Variants in NDRG3 observed in about 807,000 individuals in gnomAD.
NDRG3 encodes protein NDRG3.
Under a neutral mutation model 57.2 loss-of-function variants are expected in NDRG3, and 23 were observed. That is an observed-to-expected ratio of 0.40 (90% CI 0.29 to 0.57). NDRG3 has a LOEUF of 0.57. Ranked by LOEUF, NDRG3 falls within the 20% of genes least tolerant of loss-of-function variation. The pLI, the probability that NDRG3 is intolerant of heterozygous loss-of-function variation, is 0.42. For missense variants in NDRG3, 384 were observed against 457.3 expected (o/e 0.84, Z 1.46); for synonymous variants, 132 against 162.6 (o/e 0.81, Z 1.43).
chr20:36,726,511 T>C (rs1203431224), intron 1 of NDRG3, among the ~76,000 whole-genome samples: 1 of 152,180 alleles, frequency 6.6e-6, no homozygotes, highest in African/African-American at 2.4e-5. Context: ...TTTTATAACA[T>C]ATACAAGAAA....
chr20:36,723,048 C>G (rs1000124106), intron 1 of NDRG3, among the ~76,000 whole-genome samples: 7 of 152,136 alleles, frequency 4.6e-5, no homozygotes, highest in Non-Finnish European at 7.4e-5. Context: ...GCAAATGAAT[C>G]CTCCAGCCCC....
At chr20:36,679,802 C>T (rs1338614505) in intron 8 of NDRG3, among the ~76,000 whole-genome samples, 1 of 151,090 alleles carries the variant, frequency 6.6e-6, no homozygotes, top group Non-Finnish European at 1.5e-5. Flanking sequence ...CCGCGCCTGG[C>T]CAAATTGTAA....
At chr20:36,735,450 T>C (rs989285530) in intron 1 of NDRG3, among the ~76,000 whole-genome samples, 4 of 152,234 alleles carry the variant, frequency 2.6e-5, no homozygotes, top group Non-Finnish European at 5.9e-5. Flanking sequence ...TGTATTTCCA[T>C]GTGTCCCACT....
intron 3 of NDRG3, among the ~76,000 whole-genome samples, chr20:36,703,546 C>T (rs1983376218): frequency 6.6e-6 from 1 of 151,940 alleles, no homozygotes; most frequent in African/African-American, 2.4e-5. Flanking sequence ...TGGGCTCAAG[C>T]AATCCGCTTG....
intron 3 of NDRG3, among the ~76,000 whole-genome samples, chr20:36,706,632 T>C (rs1983564181): frequency 6.6e-6 from 1 of 152,116 alleles, no homozygotes; most frequent in Admixed American, 6.6e-5. Flanking sequence ...GCCTCCTGAG[T>C]AGCTGGCATT....
chr20:36,694,669 G>GT (rs1444905725), intron 3 of NDRG3, among the ~76,000 whole-genome samples: 1 of 152,064 alleles, frequency 6.6e-6, no homozygotes, highest in Non-Finnish European at 1.5e-5. Flanking sequence ...TAAATCCTGT[G>GT]AAGTCATATA....
At chr20:36,720,072 A>T (rs1600951482) in intron 2 of NDRG3, among the ~76,000 whole-genome samples, 1 of 150,104 alleles carries the variant, frequency 6.7e-6, no homozygotes, top group Non-Finnish European at 1.5e-5. Flanking sequence ...GTACCACTGC[A>T]CTCCAGCCTG....
intron 1 of NDRG3, among the ~76,000 whole-genome samples, chr20:36,723,630 T>C (rs1482661785): frequency 6.7e-6 from 1 of 149,778 alleles, no homozygotes; most frequent in Non-Finnish European, 1.5e-5. Context: ...TTGGTGGAAA[T>C]CAAGAAAGCC....
chr20:36,656,567 T>C (rs1049488484), intron 13 of NDRG3, 35 bp from the exon 14 acceptor site: 2 of 1,613,288 alleles, frequency 1.2e-6, no homozygotes, highest in African/African-American at 2.7e-5. Flanking sequence ...CAGCTGGGAC[T>C]TACCCTTAAG....
chr20:36,684,448 C>T lies in NDRG3; in HGVS notation c.348G>A (p.Leu116=). 6.2e-7 allele frequency: 1 copy of T among 1,614,126 alleles called. No individual in the cohort carries two copies. The highest frequency in any genetic ancestry group is 2.2e-5 in the East Asian group (1 of 44,882). ...TGYQYPTMDE[L]AEMLPPVLTH... is the part of the protein sequence containing the mutation. ...TAAGAACAGGAGGCAGCATTTCAGC[C>T]AGCTCATCCATTGTGGGGTACTGAT... The change falls in exon 6 of 16, where the codon CTG becomes CTA. Residue 116 remains leucine, a synonymous_variant. Coordinates refer to ENST00000349004, the MANE Select transcript of NDRG3 (RefSeq NM_032013.4).
At chr20:36,658,885 ACAG>A (rs1056203121) in intron 13 of NDRG3, among the ~76,000 whole-genome samples, 2 of 152,012 alleles carry the variant, frequency 1.3e-5, no homozygotes, top group African/African-American at 4.8e-5. Context: ...CCTTACCAAT[ACAG>A]CAGGATTTTG....
chr20:36,736,736 T>A (rs182698651), intron 1 of NDRG3, among the ~76,000 whole-genome samples: 3 of 152,206 alleles, frequency 2.0e-5, no homozygotes, highest in African/African-American at 7.2e-5. Context: ...CCCAGCTCCA[T>A]GGAAGACTTT....
In NDRG3 at chr20:36,728,732, G is replaced by C. The variant is rs181206625; in HGVS notation, c.-48-6949C>G. On this transcript the variant is annotated intron_variant, in intron 1 of 15. Coordinates refer to ENST00000349004, the MANE Select transcript of NDRG3 (RefSeq NM_032013.4). Reference sequence around the variant, plus strand: ...CATTTTGGTTTTTTTGTTTTTTTGGGGGGGAGGTTTTGAGACAGAGTCTCA... The same window carrying C: ...CATTTTGGTTTTTTTGTTTTTTTGGCGGGGAGGTTTTGAGACAGAGTCTCA... 4.0e-5 allele frequency among the ~76,000 whole-genome samples: 6 copies of C among 151,552 alleles called. No individual in the cohort carries two copies. The East Asian group carries it at 5.9e-4, about 15-fold the overall frequency.
At chr20:36,668,752 T>A (rs1979851933) in intron 9 of NDRG3, 1 of 151,456 alleles carries the variant, frequency 6.6e-6, no homozygotes, top group African/African-American at 2.4e-5. Context: ...AACATATATT[T>A]TTTATATATA....
chr20:36,735,762 G>T (rs1333665233), intron 1 of NDRG3, among the ~76,000 whole-genome samples: 7 of 152,096 alleles, frequency 4.6e-5, no homozygotes. Context: ...GCTGAGGTGG[G>T]AGGATCACTT....
At chr20:36,681,655 A>T (rs1045421262) in intron 7 of NDRG3, among the ~76,000 whole-genome samples, 3 of 150,660 alleles carry the variant, frequency 2.0e-5, no homozygotes, top group Non-Finnish European at 3.0e-5. Flanking sequence ...AAAAAAAAAA[A>T]TTTATAATAG....
chr20:36,721,181 T>C (rs775142639), intron 2 of NDRG3, among the ~76,000 whole-genome samples: 2 of 151,792 alleles, frequency 1.3e-5, no homozygotes, highest in Non-Finnish European at 2.9e-5. Context: ...ACGTGGCTCA[T>C]GGAAACAAAA....
intron 2 of NDRG3, among the ~76,000 whole-genome samples, chr20:36,712,583 A>T (rs950183047): frequency 0.025 from 277 of 10,886 alleles, 3 homozygotes; most frequent in African/African-American, 0.056. Flanking sequence ...ATATATATAT[A>T]TATATTTTTT....
At chr20:36,737,517 A>C (rs752278243) in intron 1 of NDRG3, among the ~76,000 whole-genome samples, 3 of 152,206 alleles carry the variant, frequency 2.0e-5, no homozygotes, top group Non-Finnish European at 2.9e-5. Context: ...CGTGATAAGC[A>C]CTTTATGGAT....
Sources: allele counts gnomAD v4.1 joint callset (sites outside exome capture counted in the v4.1 genomes callset), GRCh38; gene constraint gnomAD v4.1.1; transcripts MANE v1.5; gene names NCBI Gene and HGNC (gene_info 2026-07-23, HGNC 2026-07-21).